The following TEX14 variants were observed in gnomAD, a reference collection of about 807,000 sequenced individuals.
TEX14 encodes the protein testis expressed 14, intercellular bridge forming factor.
TEX14 carries 168 observed loss-of-function variants against 178.6 expected under a neutral mutation model. That is an observed-to-expected ratio of 0.94 (90% confidence interval 0.83 to 1.07). TEX14 has a LOEUF of 1.07. TEX14 is among the 50% of genes least tolerant of loss of function. The pLI is 0.00. For missense variants in TEX14, 1,730 were observed against 1,753.6 expected (o/e 0.99, Z 0.24); for synonymous variants, 626 against 634.1 (o/e 0.99, Z 0.19).
Position 58,585,726 on chromosome 17 carries a change from A to G in TEX14, c.3070+75T>C, listed in dbSNP as rs1428026255. ...TCGCCTCACCTCCCAAAGTGCTGGA[A>G]TTACAGGCTGAGCCACCTCGCCCGA... On this transcript the variant is annotated intron_variant, in intron 18 of 31. Transcript: ENST00000349033. 2.0e-6 allele frequency: 3 copies of G among 1,516,952 alleles called. No homozygotes were observed. The African/African-American group carries it at 4.2e-5, about 21-fold the overall frequency. The allele number at this position is 1,516,952 out of a possible 1,614,324, so 94.0% of individuals were successfully genotyped here.
At chr17:58,644,972 TCTTTTTTTTTTCTTAA>T (rs2046667740) in intron 2 of TEX14, among the ~76,000 whole-genome samples, 1 of 148,910 alleles carries the variant, frequency 6.7e-6, no homozygotes, top group Non-Finnish European at 1.5e-5. Flanking sequence ...TGAGTTGTAT[TCTTTTTTTTTTCTTAA>T]CTTTTTTTTT....
chr17:58,605,230 C>A (rs770325343), intron 10 of TEX14, 101 bp from the exon 11 acceptor site: 39 of 1,391,276 alleles, frequency 2.8e-5, no homozygotes, highest in Non-Finnish European at 3.4e-5. Flanking sequence ...CTTGCCCTGT[C>A]ACCCAGGCTG....
At chr17:58,691,770 A>T (rs2047734244) in intron 1 of TEX14, among the ~76,000 whole-genome samples, 169 bp downstream of exon 1, 1 of 151,870 alleles carries the variant, frequency 6.6e-6, no homozygotes, top group South Asian at 2.1e-4. Flanking sequence ...ACCACCTTCT[A>T]AACTGCTTGC....
At chr17:58,678,019 G>A (rs1489658149) in intron 1 of TEX14, among the ~76,000 whole-genome samples, 2 of 152,162 alleles carry the variant, frequency 1.3e-5, no homozygotes, top group African/African-American at 2.4e-5. Flanking sequence ...GCATGGTGGC[G>A]GGTGCCTGTA....
In TEX14 at chr17:58,631,640, A is replaced by C. The variant is rs1316831896; in HGVS notation, c.137-1086T>G. On this transcript the variant is annotated intron_variant, in intron 2 of 31. Transcript: ENST00000349033. ...ACATCTGAAAAAAAAAAAAACCCAG[A>C]ACTACTCAGACTGCCTTCTCTAGAG... 5 of 151,654 alleles carry C rather than the reference A, an allele frequency of 3.3e-5. No homozygotes were observed. In the East Asian group the frequency reaches 7.7e-4, roughly 23 times the overall value. The allele number at this position is 151,654 out of a possible 1,614,324, so 9.4% of individuals were successfully genotyped here. A position where few individuals can be genotyped will look rare whatever the true frequency, so the allele number is the denominator to read the frequency against.
At chr17:58,689,911 G>A (rs1051597781) in intron 1 of TEX14, among the ~76,000 whole-genome samples, 3 of 149,608 alleles carry the variant, frequency 2.0e-5, no homozygotes, top group Non-Finnish European at 4.4e-5. Context: ...ATGTGGTGGC[G>A]TGATCTAGGC....
intron 21 of TEX14, among the ~76,000 whole-genome samples, chr17:58,574,833 C>T (rs1043585633): frequency 1.3e-5 from 2 of 152,172 alleles, no homozygotes; most frequent in South Asian, 4.1e-4. Context: ...CTCTATACGA[C>T]TGTGAGCAAA....
At position 58,687,522 on chromosome 17, in the gene TEX14, G is replaced by C. The variant is rs535582235; in HGVS notation, c.-2+4417C>G. 2.0e-5 allele frequency among the ~76,000 whole-genome samples: 3 copies of C among 152,118 alleles called. No individual in the cohort carries two copies. In the East Asian group the frequency reaches 5.8e-4, roughly 29 times the overall value. On this transcript the variant is annotated intron_variant, in intron 1 of 31. Coordinates refer to ENST00000349033, the MANE Select transcript of TEX14 (RefSeq NM_031272.5). ...GCCTAAGTTTTGTATTTTTAATAGA[G>C]ACAGGGTTTCACCATGTTGGCCAGG...
chr17:58,582,178 A>C (rs771926439), intron 19 of TEX14, among the ~76,000 whole-genome samples: 75 of 152,302 alleles, frequency 4.9e-4, no homozygotes, highest in Non-Finnish European at 8.1e-4. Context: ...TTATAGGTTA[A>C]AGGCAAATGA....
chr17:58,570,502 A>G lies in TEX14; in HGVS notation c.3718-18T>C, dbSNP rs1257498767. On this transcript the variant is annotated intron_variant, in intron 24 of 31. Coordinates refer to ENST00000349033, the MANE Select transcript of TEX14 (RefSeq NM_031272.5). ...AATCTTTTCTATAAGGAAGAGATAAACATGGTAACTGTCATGTGTGTTGAG... is the reference window on the plus strand; with the variant it reads ...AATCTTTTCTATAAGGAAGAGATAAGCATGGTAACTGTCATGTGTGTTGAG... 2.7e-6 allele frequency: 4 copies of G among 1,497,100 alleles called. No individual in the cohort carries two copies. The highest frequency in any genetic ancestry group is 3.6e-6 in the Non-Finnish European group (4 of 1,125,168). The allele number at this position is 1,497,100 out of a possible 1,614,324, so 92.7% of individuals were successfully genotyped here. A position where few individuals can be genotyped will look rare whatever the true frequency, so the allele number is the denominator to read the frequency against.
intron 30 of TEX14, 108 bp from the exon 31 acceptor site, chr17:58,557,958 C>A: frequency 1.3e-6 from 1 of 761,218 alleles, no homozygotes; most frequent in South Asian, 1.8e-5. Flanking sequence ...ACTGTTTTAC[C>A]TACAATGGTT....
intron 1 of TEX14, among the ~76,000 whole-genome samples, chr17:58,691,244 G>A (rs528145758): frequency 2.6e-4 from 39 of 152,300 alleles, no homozygotes; most frequent in African/African-American, 8.9e-4. Flanking sequence ...ATGGCCATTT[G>A]AAATGTGTGG....
intron 31 of TEX14, 46 bp downstream of exon 31, chr17:58,557,753 T>A: frequency 6.7e-7 from 1 of 1,486,822 alleles, no homozygotes; most frequent in Non-Finnish European, 9.3e-7. Context: ...GCTTCTGTTG[T>A]CTATAAACAT....
At chr17:58,656,422 GC>G (rs2046962488) in intron 1 of TEX14, among the ~76,000 whole-genome samples, 1 of 151,570 alleles carries the variant, frequency 6.6e-6, no homozygotes, top group Non-Finnish European at 1.5e-5. Context: ...TCCAGCCTGG[GC>G]AACAGAGCAA....
At chr17:58,602,352 C>G in intron 12 of TEX14, 48 bp downstream of exon 12, 1 of 1,528,192 alleles carries the variant, frequency 6.5e-7, no homozygotes, top group Non-Finnish European at 8.9e-7. Flanking sequence ...TCCCTATTCT[C>G]CTGAGTTAGG....
intron 2 of TEX14, chr17:58,631,122 T>G: frequency 2.0e-6 from 2 of 979,612 alleles, no homozygotes; most frequent in East Asian, 2.3e-4. Context: ...AGAAAAAAAT[T>G]TAGTCCTCCA....
At chr17:58,649,857 G>A (rs302845) in intron 2 of TEX14, among the ~76,000 whole-genome samples, 96,655 of 151,290 alleles carry the variant, frequency 0.64, 31,157 homozygotes, top group African/African-American at 0.71. Flanking sequence ...CTCCTGCCTC[G>A]GCCTCCCCAG....
At chr17:58,631,182 G>A in intron 2 of TEX14, 1 of 983,172 alleles carries the variant, frequency 1.0e-6, no homozygotes, top group Non-Finnish European at 1.2e-6. Flanking sequence ...CCACAAGCCT[G>A]GAGGCGCAGT....
At chr17:58,650,001 A>T (rs2046805504) in intron 2 of TEX14, among the ~76,000 whole-genome samples, 1 of 151,924 alleles carries the variant, frequency 6.6e-6, no homozygotes, top group Admixed American at 6.6e-5. Flanking sequence ...CGGCATCCCA[A>T]AGTGCTGGGA....
Sources: allele counts gnomAD v4.1 joint callset (sites outside exome capture counted in the v4.1 genomes callset), GRCh38; gene constraint gnomAD v4.1.1; transcripts MANE v1.5; gene names NCBI Gene and HGNC (gene_info 2026-07-23, HGNC 2026-07-21).